The following FBN3 variants were observed in gnomAD, a reference collection of about 807,000 sequenced individuals.
FBN3 encodes fibrillin-3.
FBN3 carries 234 observed loss-of-function variants against 330.1 expected under a neutral mutation model. That is an observed-to-expected ratio of 0.71 (90% CI 0.64 to 0.79). The LOEUF (loss-of-function observed/expected upper bound fraction) is 0.79, where lower values mean the gene tolerates loss of function less well. Ranked by LOEUF, FBN3 falls within the 30% of genes least tolerant of loss-of-function variation. FBN3 has a pLI of 0.00. For missense variants in FBN3, 3,606 were observed against 3,886.9 expected, an observed-to-expected ratio of 0.93 and a Z score of 1.92; for synonymous variants, 1,458 against 1,517.3, an observed-to-expected ratio of 0.96 and a Z score of 0.91.
intron 38 of FBN3, among the ~76,000 whole-genome samples, chr19:8,105,326 C>T (rs957096301): frequency 6.8e-6 from 1 of 147,828 alleles, no homozygotes; most frequent in Non-Finnish European, 1.5e-5. Context: ...GGCACAATCA[C>T]GGCTCACTGC....
chr19:8,138,174 T>A lies in FBN3; in HGVS notation c.1168A>T (p.Ile390Phe). ...GAGTTGCCAGGGCCCAGGCTGGGGA[T>A]CCCACGCGCATCAGAGCCATGGGGG... Reference protein sequence around the residue: ...LNPHGSDARGIPSLGPGNSNI... With the variant: ...LNPHGSDARGFPSLGPGNSNI... Residue 390 changes from isoleucine to phenylalanine, a missense_variant, in exon 10 of 64, where the codon ATC (isoleucine) becomes TTC (phenylalanine). Coordinates refer to ENST00000600128, the MANE Select transcript of FBN3 (RefSeq NM_032447.5). 1 of 1,612,480 alleles carries A rather than the reference T, an allele frequency of 6.2e-7. No individual in the cohort carries two copies.
intron 18 of FBN3, among the ~76,000 whole-genome samples, chr19:8,127,278 C>G (rs1457695005): frequency 6.6e-6 from 1 of 152,002 alleles, no homozygotes; most frequent in Non-Finnish European, 1.5e-5. Context: ...CCAGGCTGGT[C>G]TCAAACTCCC....
In FBN3 at chr19:8,131,821, C is replaced by A; in HGVS notation, c.1723G>T (p.Glu575Ter). ...PGGHYCMDID[E>*]CQTPGICVNG... ...ACGCAGATGCCGGGCGTCTGGCACTCGTCAATGTCTGCAGAAGCAGTGGCG... is the reference window on the plus strand; with the variant it reads ...ACGCAGATGCCGGGCGTCTGGCACTAGTCAATGTCTGCAGAAGCAGTGGCG... Residue 575 changes from glutamate (E) to a stop codon, truncating the protein, a stop_gained, in exon 15 of 64, where the codon GAG (glutamate) becomes TAG (stop). Coordinates refer to ENST00000600128, the MANE Select transcript of FBN3 (RefSeq NM_032447.5). LOFTEE classifies it high-confidence loss of function. This position sits in a 1 kb window ranked among gnomAD's most constrained non-coding sequence, Gnocchi z 4.5. The A allele has an allele frequency of 6.3e-7, 1 of 1,591,954 alleles. No homozygotes were observed. The highest frequency in any genetic ancestry group is 1.3e-5 in the African/African-American group (1 of 74,710).
chr19:8,130,623 A>AGGAAGGAAGGAAGG (rs1491411538), intron 16 of FBN3, among the ~76,000 whole-genome samples: 1 of 18,990 alleles, frequency 5.3e-5, no homozygotes, highest in South Asian at 1.5e-3. Context: ...AAAGAAAGAA[A>AGGAAGGAAGGAAGG]GAAAGAAAGA....
At chr19:8,143,055 G>A (rs932798369) in intron 6 of FBN3, among the ~76,000 whole-genome samples, 32 of 152,038 alleles carry the variant, frequency 2.1e-4, no homozygotes, top group Non-Finnish European at 7.4e-5. Context: ...AGATGCCTCT[G>A]CATCTGAAAA....
chr19:8,128,588 G>GTATGTAAATGTGAGTATA (rs2083049880), intron 18 of FBN3, among the ~76,000 whole-genome samples: 1 of 151,912 alleles, frequency 6.6e-6, no homozygotes, highest in Non-Finnish European at 1.5e-5. Context: ...GAATACGTGT[G>GTATGTAAATGTGAGTATA]TATGTAAATG....
chr19:8,123,281 GA>G (rs1302425141), intron 24 of FBN3, among the ~76,000 whole-genome samples, 182 bp downstream of exon 24: 3 of 152,050 alleles, frequency 2.0e-5, no homozygotes, highest in African/African-American at 7.2e-5. Context: ...TTGAACCTGG[GA>G]GGCGGAGGTT....
chr19:8,071,910 T>G, intron 63 of FBN3, 138 bp downstream of exon 63: 3 of 861,182 alleles, frequency 3.5e-6, no homozygotes, highest in Non-Finnish European at 5.3e-6. Context: ...GCCGGCACCA[T>G]GACATGGGGA....
At chr19:8,086,550 G>A (rs535346616) in intron 54 of FBN3, among the ~76,000 whole-genome samples, 6 of 149,878 alleles carry the variant, frequency 4.0e-5, no homozygotes, top group South Asian at 4.2e-4. Flanking sequence ...TCCACCTCCC[G>A]GGTTCAAGAA....
chr19:8,146,794 A>G (rs2145072378), intron 3 of FBN3, among the ~76,000 whole-genome samples: 1 of 152,144 alleles, frequency 6.6e-6, no homozygotes, highest in South Asian at 2.1e-4. Context: ...AGAGACCCCC[A>G]TCTCTAAAAA....
chr19:8,126,488 G>T lies in FBN3; in HGVS notation c.2534C>A (p.Pro845His). Residue 845 changes from proline to histidine, a missense_variant, in exon 20 of 64, where the codon CCC (proline) becomes CAC (histidine). Transcript: ENST00000600128. ...CATLGAAWGS[P>H]CERCEIDPAC... ...ACTACCGATCTCGCAGCGTTCGCAGGGGCTCCCCCAGGCTGCCCCGAGGGT... is the reference window on the plus strand; with the variant it reads ...ACTACCGATCTCGCAGCGTTCGCAGTGGCTCCCCCAGGCTGCCCCGAGGGT... 6.2e-7 allele frequency: 1 copy of T among 1,613,096 alleles called. No homozygotes were observed. Among genetic ancestry groups the T allele is most frequent in the African/African-American group, 1.3e-5 (1 of 75,050 alleles).
chr19:8,085,613 G>A, intron 55 of FBN3, 44 bp from the exon 56 acceptor site: 2 of 1,432,036 alleles, frequency 1.4e-6, no homozygotes, highest in Non-Finnish European at 1.9e-6. Context: ...CCAGGAGGCT[G>A]GTTTGGGGGC....
At chr19:8,073,874 G>A (rs896871882) in intron 61 of FBN3, among the ~76,000 whole-genome samples, 1 of 152,090 alleles carries the variant, frequency 6.6e-6, no homozygotes, top group Non-Finnish European at 1.5e-5. Flanking sequence ...GAGATGGGGG[G>A]TCTTGCTATG....
chr19:8,125,832 C>G lies in FBN3; in HGVS notation c.2731+60G>C, dbSNP rs574594301. 1.1e-5 allele frequency: 17 copies of G among 1,514,088 alleles called. No individual in the cohort carries two copies. In the East Asian group the frequency reaches 4.1e-4, roughly 37 times the overall value. The allele number at this position is 1,514,088 out of a possible 1,614,324, so 93.8% of individuals were successfully genotyped here. ...ATCTCTCCTGTTCCTCAAGTCACTG[C>G]GGGTGGAGGGAACAAAGGAAGAACG... is the stretch of plus-strand genomic sequence containing the variant. On this transcript the variant is annotated intron_variant, in intron 22 of 63. Transcript: ENST00000600128.
At chr19:8,073,810 G>T (rs1342779660) in intron 61 of FBN3, among the ~76,000 whole-genome samples, 1 of 152,176 alleles carries the variant, frequency 6.6e-6, no homozygotes, top group African/African-American at 2.4e-5. Flanking sequence ...CTCCTGAGTA[G>T]CTGGGACTAC....
chr19:8,133,741 C>T (rs942379792), intron 13 of FBN3, among the ~76,000 whole-genome samples: 7 of 151,910 alleles, frequency 4.6e-5, no homozygotes, highest in African/African-American at 7.3e-5. Context: ...CGTGAGCCAC[C>T]GCGCCCAACC....
chr19:8,134,752 G>C lies in FBN3; in HGVS notation c.1591+1209C>G, dbSNP rs569078893. ...AGTTCGAGACCAGCCTGGCCAACAT[G>C]GTGAAACCCCATCTCTACTAAAAAT... On this transcript the variant is annotated intron_variant, in intron 13 of 63. Coordinates refer to ENST00000600128, the MANE Select transcript of FBN3 (RefSeq NM_032447.5). Among the ~76,000 whole-genome samples, 283 of 151,438 alleles carry C rather than the reference G, an allele frequency of 1.9e-3. 2 individuals carry two copies. The highest frequency in any genetic ancestry group is 0.01 in the Middle Eastern group (3 of 292).
intron 41 of FBN3, among the ~76,000 whole-genome samples, chr19:8,098,152 A>G (rs2082249821): frequency 6.6e-6 from 1 of 152,214 alleles, no homozygotes; most frequent in Non-Finnish European, 1.5e-5. Context: ...TTATATCTCA[A>G]TAAAGCTGTT....
chr19:8,135,935 T>TTGGGGGGGGGGC, intron 13 of FBN3, 26 bp downstream of exon 13: 18 of 1,344,150 alleles, frequency 1.3e-5, no homozygotes, highest in Non-Finnish European at 1.8e-5. Flanking sequence ...CGGAAGCCCC[T>TTGGGGGGGGGGC]GCCCACCCGC....
Sources: allele counts gnomAD v4.1 joint callset (sites outside exome capture counted in the v4.1 genomes callset), GRCh38; gene constraint gnomAD v4.1.1; non-coding constraint Gnocchi (gnomAD v3.1); transcripts MANE v1.5; gene names NCBI Gene and HGNC (gene_info 2026-07-23, HGNC 2026-07-21).